The following DENND4A variants were observed in gnomAD, a reference collection of about 807,000 sequenced individuals.
DENND4A encodes DENN domain containing 4A, also known as C-myc promoter-binding protein.
Under a neutral mutation model 199.3 loss-of-function variants are expected in DENND4A, and 70 were observed. That is an observed-to-expected ratio of 0.35 (90% CI 0.29 to 0.43). The LOEUF (loss-of-function observed/expected upper bound fraction) is 0.43, where lower values mean the gene tolerates loss of function less well. Among genes scored for constraint, DENND4A ranks in the 20% least tolerant of loss-of-function variants. The pLI, the probability that DENND4A is intolerant of heterozygous loss-of-function variation, is 1.00. For synonymous variants in DENND4A, 686 were observed against 766.9 expected (o/e 0.89, Z 1.74); for missense variants, 1,723 against 2,255.8 (o/e 0.76, Z 4.78).
chr15:65,669,992 G>T (rs772455780), intron 26 of DENND4A, 21 bp downstream of exon 26: 2 of 1,586,022 alleles, frequency 1.3e-6, no homozygotes, highest in East Asian at 2.2e-5. Flanking sequence ...CCTTAAACAT[G>T]AAGGAAAAAA....
At chr15:65,777,189 A>G (rs948126726) in intron 1 of DENND4A, among the ~76,000 whole-genome samples, 3 of 152,050 alleles carry the variant, frequency 2.0e-5, no homozygotes, top group Non-Finnish European at 4.4e-5. Flanking sequence ...AGAAAAAAAG[A>G]AAATAGCTGC....
In DENND4A at chr15:65,752,441, T is replaced by C. The variant is rs755894338; in HGVS notation, c.499A>G (p.Ser167Gly). The change falls in exon 4 of 33, where the codon AGT becomes GGT. Residue 167 changes from serine (S) to glycine (G), a missense_variant. Physicochemically the swap from Ser to Gly is moderately conservative, Grantham distance 56. This residue lies in a region of DENND4A where 725 missense variants were observed against 952.9 expected (regional missense o/e 0.76). Transcript: ENST00000443035. The stretch of plus-strand genomic sequence containing the variant: ...GTGTGTGGTGGGCTTTCTCCTTTAC[T>C]GGGTATAATAATACATATGTCAGTG... The part of the protein sequence containing the change: ...AVTDICIIIP[S>G]KGESPPHTFC... 2.5e-6 allele frequency: 4 copies of C among 1,613,524 alleles called. No individual in the cohort carries two copies. Among genetic ancestry groups the C allele is most frequent in the Admixed American group, 3.3e-5 (2 of 59,946 alleles).
At chr15:65,740,203 G>A (rs1237871777) in intron 5 of DENND4A, among the ~76,000 whole-genome samples, 2 of 151,070 alleles carry the variant, frequency 1.3e-5, no homozygotes, top group Admixed American at 1.3e-4. Flanking sequence ...ACGGATTCTG[G>A]TAGTGAGAAT....
intron 1 of DENND4A, among the ~76,000 whole-genome samples, chr15:65,774,321 T>C (rs1013699843): frequency 6.6e-6 from 1 of 152,110 alleles, no homozygotes. Flanking sequence ...AGAAACCCAG[T>C]CTCTACTAAA....
chr15:65,715,610 GCTT>G lies in DENND4A; in HGVS notation c.1818_1820del (p.Arg606del). The G allele has an allele frequency of 1.3e-6, 2 of 1,557,684 alleles. No homozygotes were observed. Among genetic ancestry groups the G allele is most frequent in the Non-Finnish European group, 1.7e-6 (2 of 1,153,568 alleles). ...AGAATTTTTGATGTGACCGGTCCCG[GCTT>G]CTTAAGAAAGCTGTTCAACAAAAAT... On this transcript the variant is annotated inframe_deletion, in exon 14 of 33. Transcript: ENST00000443035.
chr15:65,771,186 A>G (rs1596664016), intron 1 of DENND4A: 3 of 1,595,588 alleles, frequency 1.9e-6, no homozygotes, highest in East Asian at 2.2e-5. Context: ...CCTCCTTTAT[A>G]AAGACCGGTA....
intron 23 of DENND4A, among the ~76,000 whole-genome samples, chr15:65,678,555 GTCATAT>G (rs2076464863): frequency 1.3e-5 from 2 of 152,266 alleles, no homozygotes; most frequent in South Asian, 2.1e-4. Flanking sequence ...ACTGGCTATT[GTCATAT>G]CCAGGAAAGC....
chr15:65,685,227 C>A (rs2142015884), intron 23 of DENND4A, among the ~76,000 whole-genome samples: 1 of 151,902 alleles, frequency 6.6e-6, no homozygotes, highest in East Asian at 1.9e-4. Flanking sequence ...CCCGGGGTCA[C>A]GCCATTTCCC....
chr15:65,682,881 T>TCTGA (rs1596418016), intron 23 of DENND4A, among the ~76,000 whole-genome samples: 4 of 152,326 alleles, frequency 2.6e-5, no homozygotes, highest in African/African-American at 9.6e-5. Flanking sequence ...AATGGCCATT[T>TCTGA]GGTGGACAGT....
intron 1 of DENND4A, among the ~76,000 whole-genome samples, chr15:65,767,713 A>AT (rs2077022525): frequency 2.0e-5 from 3 of 152,340 alleles, no homozygotes; most frequent in African/African-American, 7.2e-5. Context: ...CATTATTTAA[A>AT]TTTAGTGTTG....
At chr15:65,683,734 T>C (rs1053053981) in intron 23 of DENND4A, among the ~76,000 whole-genome samples, 1 of 152,230 alleles carries the variant, frequency 6.6e-6, no homozygotes, top group East Asian at 1.9e-4. Context: ...AGAAACCTTA[T>C]TGGGGCTTAA....
chr15:65,709,481 G>C (rs1008792487), intron 14 of DENND4A, among the ~76,000 whole-genome samples: 1 of 151,676 alleles, frequency 6.6e-6, no homozygotes, highest in East Asian at 1.9e-4. Context: ...CGAGATGGGC[G>C]GATCACCTGA....
intron 1 of DENND4A, among the ~76,000 whole-genome samples, chr15:65,791,342 C>T (rs994692983): frequency 1.3e-5 from 2 of 152,364 alleles, no homozygotes; most frequent in Non-Finnish European, 1.5e-5. Context: ...AAAGCTGTCG[C>T]TGCGACCCAA....
chr15:65,763,679 C>CAAAA (rs11357605), intron 1 of DENND4A, among the ~76,000 whole-genome samples: 1 of 87,574 alleles, frequency 1.1e-5, no homozygotes, highest in African/African-American at 4.7e-5. Flanking sequence ...GACCTTGTCT[C>CAAAA]AAAAAAAAAA....
At chr15:65,779,132 A>C (rs1374871327) in intron 1 of DENND4A, among the ~76,000 whole-genome samples, 1 of 151,722 alleles carries the variant, frequency 6.6e-6, no homozygotes, top group Non-Finnish European at 1.5e-5. Context: ...AGGAAAAAAA[A>C]CCTTTGTTAA....
At chr15:65,774,867 ACTTTT>A (rs1244559255) in intron 1 of DENND4A, among the ~76,000 whole-genome samples, 1 of 115,924 alleles carries the variant, frequency 8.6e-6, no homozygotes, top group African/African-American at 3.7e-5. Flanking sequence ...ACAAATGTTT[ACTTTT>A]TTTTTTTTTT....
Position 65,691,247 on chromosome 15 carries a change from G to C in DENND4A, c.3347C>G (p.Ser1116Ter). The change falls in exon 23 of 33, where the codon TCA becomes TGA. Residue 1116 changes from serine to a stop codon, truncating the protein, a stop_gained. Coordinates refer to ENST00000443035, the MANE Select transcript of DENND4A (RefSeq NM_001320835.1). LOFTEE classifies it high-confidence loss of function. The stretch of plus-strand genomic sequence containing the variant: ...AAGAGTATTTGGTCTCGTGCTTTTT[G>C]AGATAACATTTGAAAGAATTTTTGC... ...ADAKILSNVI[S>*]KSTRPNTLDI... is the part of the protein sequence containing the mutation. 6.2e-7 allele frequency: 1 copy of C among 1,613,068 alleles called. No individual in the cohort carries two copies. The highest frequency in any genetic ancestry group is 8.5e-7 in the Non-Finnish European group (1 of 1,179,564).
chr15:65,702,109 A>T (rs866519510), intron 17 of DENND4A, among the ~76,000 whole-genome samples, 196 bp downstream of exon 17: 1 of 152,100 alleles, frequency 6.6e-6, no homozygotes, highest in South Asian at 2.1e-4. Flanking sequence ...CAAAAAAATT[A>T]AAAAATTAGC....
At chr15:65,740,385 G>A (rs2076226940) in intron 5 of DENND4A, among the ~76,000 whole-genome samples, 1 of 151,018 alleles carries the variant, frequency 6.6e-6, no homozygotes, top group Non-Finnish European at 1.5e-5. Flanking sequence ...TGAAGTGGAA[G>A]GATCACTTGA....
Sources: gnomAD v4.1 joint callset for allele counts (sites outside exome capture counted in the v4.1 genomes callset) on GRCh38, gnomAD v4.1.1 for gene constraint, gnomAD v4.1.1 regional missense constraint, MANE v1.5 for transcripts, NCBI Gene and HGNC (gene_info 2026-07-23, HGNC 2026-07-21) for gene names.